TTI1: variants seen among roughly 807,000 people sequenced by gnomAD.
TTI1 encodes TELO2-interacting protein 1 homolog.
Under a neutral mutation model 85.4 loss-of-function variants are expected in TTI1, and 52 were observed. That is an observed-to-expected ratio of 0.61 (90% CI 0.49 to 0.77). The LOEUF (loss-of-function observed/expected upper bound fraction) is 0.77. TTI1 is among the 30% of genes least tolerant of loss of function. The probability of loss-of-function intolerance (pLI) is 0.00; values close to 1 mark genes in which losing one functional copy is unlikely to be tolerated. For missense variants in TTI1, 1,173 were observed against 1,296.0 expected (o/e 0.91, Z 1.46); for synonymous variants, 512 against 503.9 (o/e 1.02, Z -0.22).
intron 2 of TTI1, among the ~76,000 whole-genome samples, chr20:38,008,682 G>A (rs1443817412): frequency 6.6e-6 from 1 of 152,068 alleles, no homozygotes; most frequent in African/African-American, 2.4e-5. Context: ...TTCTTCTAAG[G>A]CCTTTCAGAA....
intron 7 of TTI1, chr20:37,987,576 C>T (rs377403005): frequency 7.6e-5 from 27 of 356,574 alleles, no homozygotes; most frequent in African/African-American, 2.8e-4. Context: ...CCCAGAGTAT[C>T]GGGAGGCACT....
chr20:38,011,530 G>C lies in TTI1; in HGVS notation c.2287C>G (p.Leu763Val). Reference protein sequence around the residue: ...AASFVSVLHALMAALAQWFPD... With the variant: ...AASFVSVLHAVMAALAQWFPD... ...CTCAATGTACCTAATGCTGCCATCA[G>C]AGCATGCAGAACGCTGACAAAGGAA... The change falls in exon 2 of 8, where the codon CTG becomes GTG. Residue 763 changes from leucine (L) to valine (V), a missense_variant. Transcript: ENST00000373447. The C allele has an allele frequency of 6.2e-7, 1 of 1,614,084 alleles. No homozygotes were observed. The highest frequency in any genetic ancestry group is 8.5e-7 in the Non-Finnish European group (1 of 1,179,976).
chr20:38,023,201 A>T (rs2073792734), intron 1 of TTI1, among the ~76,000 whole-genome samples: 1 of 152,216 alleles, frequency 6.6e-6, no homozygotes, highest in Admixed American at 6.5e-5. Flanking sequence ...AGTGATGTCC[A>T]CACAGCAAGC....
At chr20:38,020,472 T>C (rs2073755565) in intron 1 of TTI1, among the ~76,000 whole-genome samples, 2 of 150,212 alleles carry the variant, frequency 1.3e-5, no homozygotes, top group African/African-American at 4.9e-5. Context: ...ATTTCTTAAA[T>C]AGGACACAAA....
intron 1 of TTI1, among the ~76,000 whole-genome samples, chr20:38,020,321 A>ATACATATAT (rs1443587921): frequency 1.2e-4 from 5 of 42,730 alleles, no homozygotes; most frequent in African/African-American, 5.1e-4. Flanking sequence ...AAAAAAAAAA[A>ATACATATAT]AAATATATAT....
chr20:38,009,954 T>C (rs556534098), intron 2 of TTI1, among the ~76,000 whole-genome samples: 1 of 152,360 alleles, frequency 6.6e-6, no homozygotes, highest in South Asian at 2.1e-4. Flanking sequence ...GAGGTGTTTA[T>C]TTCCTTCACG....
chr20:38,022,510 T>A (rs956586051), intron 1 of TTI1, among the ~76,000 whole-genome samples: 8 of 152,198 alleles, frequency 5.3e-5, no homozygotes, highest in Non-Finnish European at 1.0e-4. Context: ...ATTGAATTAG[T>A]GGTCATAATG....
At position 37,996,769 on chromosome 20, in the gene TTI1, A is replaced by C; in HGVS notation, c.2978T>G (p.Leu993Arg). The change falls in exon 6 of 8, where the codon CTC (leucine) becomes CGC (arginine). Residue 993 changes from leucine (L) to arginine (R), a missense_variant. Transcript: ENST00000373447. ...CCCACCTAGGTCCAGTCTCTCACAGAGGGGGCCCAGGCCCTGTAAGACAGC... is the reference window on the plus strand; with the variant it reads ...CCCACCTAGGTCCAGTCTCTCACAGCGGGGGCCCAGGCCCTGTAAGACAGC... Reference protein sequence around the residue: ...QLAVLQGLGPLCERLDLGEGD... With the variant: ...QLAVLQGLGPRCERLDLGEGD... 6 of 1,611,790 alleles carry C rather than the reference A, an allele frequency of 3.7e-6. No homozygotes were observed. The highest frequency in any genetic ancestry group is 5.1e-6 in the Non-Finnish European group (6 of 1,178,310).
intron 1 of TTI1, among the ~76,000 whole-genome samples, chr20:38,014,496 G>A (rs1243996169): frequency 6.6e-6 from 1 of 152,126 alleles, no homozygotes; most frequent in Non-Finnish European, 1.5e-5. Flanking sequence ...AAAGCAAGGG[G>A]TGATATGGTC....
chr20:38,012,907 A>C lies in TTI1; in HGVS notation c.910T>G (p.Trp304Gly). The change falls in exon 2 of 8, where the codon TGG (tryptophan) becomes GGG (glycine). Residue 304 changes from tryptophan to glycine, a missense_variant. Physicochemically the swap from Trp to Gly is radical, Grantham distance 184 (BLOSUM62 -2). Transcript: ENST00000373447. Reference protein sequence around the residue: ...IIECVSVHPHWKVRLELVELV... With the variant: ...IIECVSVHPHGKVRLELVELV... ...TCTACCAGTTCCAGTCTCACCTTCCAGTGTGGGTGAACAGAAACACACTCA... is the reference window on the plus strand; with the variant it reads ...TCTACCAGTTCCAGTCTCACCTTCCCGTGTGGGTGAACAGAAACACACTCA... The C allele has an allele frequency of 6.2e-7, 1 of 1,614,206 alleles. No individual in the cohort carries two copies. The highest frequency in any genetic ancestry group is 8.5e-7 in the Non-Finnish European group (1 of 1,180,034).
rs749724273 is a variant in TTI1, at chr20:38,006,376, C to G, written c.2324G>C (p.Gly775Ala). 84 of 1,614,046 alleles carry G rather than the reference C, an allele frequency of 5.2e-5. No homozygotes were observed. The highest frequency in any genetic ancestry group is 1.3e-4 in the Admixed American group (8 of 60,012). Residue 775 changes from glycine to alanine, a missense_variant, in exon 3 of 8, where the codon GGT (glycine) becomes GCT (alanine). Physicochemically the swap from Gly to Ala is moderately conservative, Grantham distance 60. Coordinates refer to ENST00000373447, the MANE Select transcript of TTI1 (RefSeq NM_001303457.2). ...TTGCTCTTGGAGGTGCCCAAGATTA[C>G]CTGTGTCTGGGAACCACTGGGCTGT... Reference protein sequence around the residue: ...AALAQWFPDTGNLGHLQEQSL... With the variant: ...AALAQWFPDTANLGHLQEQSL...
At chr20:38,003,797 G>C (rs1405541698) in intron 3 of TTI1, among the ~76,000 whole-genome samples, 5 of 151,994 alleles carry the variant, frequency 3.3e-5, no homozygotes, top group African/African-American at 1.2e-4. Flanking sequence ...CTCGTGTGGA[G>C]GAGCCTTGAA....
intron 5 of TTI1, 125 bp downstream of exon 5, chr20:37,999,063 T>G: frequency 9.0e-7 from 1 of 1,109,644 alleles, no homozygotes; most frequent in Non-Finnish European, 1.2e-6. Context: ...CTTATGTTTC[T>G]ATACTTTCTT....
intron 4 of TTI1, chr20:38,000,566 G>C (rs1022614638): frequency 6.8e-6 from 1 of 148,032 alleles, no homozygotes; most frequent in Non-Finnish European, 1.5e-5. Flanking sequence ...GAGAGAAGCC[G>C]GCCAACACAA....
chr20:38,010,467 CTTTTTTTTTTTT>C (rs764386880), intron 2 of TTI1, among the ~76,000 whole-genome samples: 1 of 104,432 alleles, frequency 9.6e-6, no homozygotes, highest in Non-Finnish European at 1.9e-5. Context: ...TTTGCCATTC[CTTTTTTTTTTTT>C]TTTTTTTTTG....
At position 37,994,731 on chromosome 20, in the gene TTI1, G is replaced by A. The variant is rs140686064; in HGVS notation, c.3086+1644C>T. ...AGGCCATCTGACTCAACACTTGAAC[G>A]GAATGTGCTGGAGCAAACAAAGGGA... On this transcript the variant is annotated intron_variant, in intron 7 of 7. Coordinates refer to ENST00000373447, the MANE Select transcript of TTI1 (RefSeq NM_001303457.2). 2.6e-3 allele frequency among the ~76,000 whole-genome samples: 393 copies of A among 152,236 alleles called. 1 individual carries two copies. Among genetic ancestry groups the A allele is most frequent in the African/African-American group, 8.5e-3 (353 of 41,534 alleles).
chr20:37,989,792 TG>T (rs1384181521), intron 7 of TTI1, among the ~76,000 whole-genome samples: 3 of 152,250 alleles, frequency 2.0e-5, no homozygotes, highest in African/African-American at 7.2e-5. Context: ...CTGCCTGAAC[TG>T]TTTTCCTGTA....
chr20:37,995,977 C>G (rs2073332382), intron 7 of TTI1, among the ~76,000 whole-genome samples: 1 of 152,224 alleles, frequency 6.6e-6, no homozygotes, highest in Non-Finnish European at 1.5e-5. Context: ...CATCTAAGAC[C>G]TGCCGTGGAG....
Position 37,996,872 on chromosome 20 carries a change from A to G in TTI1, c.2875T>C (p.Ser959Pro). 6.2e-7 allele frequency: 1 copy of G among 1,614,166 alleles called. No homozygotes were observed. Among genetic ancestry groups the G allele is most frequent in the Non-Finnish European group, 8.5e-7 (1 of 1,180,028 alleles). ...CTGATGGGGGCCTGGGTGACTAGGG[A>G]GCCAGCCAGCTTTGGCAGGACATCT... ...CKDVLPKLAGSLVTQAPISAR... is the reference protein window; with the variant it reads ...CKDVLPKLAGPLVTQAPISAR... Residue 959 changes from serine to proline, a missense_variant, in exon 6 of 8, where the codon TCC becomes CCC. By Grantham distance (74) the Ser-to-Pro change is moderately conservative. Transcript: ENST00000373447.
Sources: allele counts gnomAD v4.1 joint callset (sites outside exome capture counted in the v4.1 genomes callset), GRCh38; gene constraint gnomAD v4.1.1; transcripts MANE v1.5; gene names NCBI Gene and HGNC (gene_info 2026-07-23, HGNC 2026-07-21).